The following RIMS2 variants were observed in gnomAD, a reference collection of about 807,000 sequenced individuals.
RIMS2 encodes regulating synaptic membrane exocytosis protein 2.
A neutral mutation model predicts 174.4 loss-of-function variants in RIMS2; 59 were observed. The ratio of observed to expected loss-of-function variants is 0.34; its 90% CI spans 0.27 to 0.42. The LOEUF is 0.42. RIMS2 is among the 10% of genes least tolerant of loss of function. The pLI is 1.00. For synonymous variants in RIMS2, 606 were observed against 572.5 expected (o/e 1.06, Z -0.84); for missense variants, 1,620 against 1,666.3 (o/e 0.97, Z 0.48).
At chr8:103,638,454 G>T (rs115970195) in intron 1 of RIMS2, among the ~76,000 whole-genome samples, 5 of 151,852 alleles carry the variant, frequency 3.3e-5, no homozygotes, top group African/African-American at 9.7e-5. Flanking sequence ...GGAAATATGC[G>T]CCGTCTTCTC....
At chr8:103,794,500 T>A (rs866883320) in intron 3 of RIMS2, among the ~76,000 whole-genome samples, 1 of 152,252 alleles carries the variant, frequency 6.6e-6, no homozygotes, top group Middle Eastern at 3.4e-3. Context: ...ACCTAGGCAA[T>A]ACCATTCAGG....
intron 3 of RIMS2, among the ~76,000 whole-genome samples, chr8:103,800,678 C>T (rs2098601015): frequency 6.6e-6 from 1 of 152,076 alleles, no homozygotes; most frequent in African/African-American, 2.4e-5. Flanking sequence ...CTGGGATACT[C>T]CTCTTGGTCA....
chr8:104,182,184 A>G (rs745795472), intron 19 of RIMS2, among the ~76,000 whole-genome samples: 9 of 151,832 alleles, frequency 5.9e-5, no homozygotes, highest in Non-Finnish European at 1.2e-4. Context: ...CTTCTAATCC[A>G]TTAGCATGTT....
intron 1 of RIMS2, among the ~76,000 whole-genome samples, chr8:103,625,389 T>C (rs1310392025): frequency 6.6e-6 from 1 of 152,166 alleles, no homozygotes; most frequent in East Asian, 1.9e-4. Flanking sequence ...AACAGAGCAC[T>C]AAGAAGGCAG....
intron 16 of RIMS2, among the ~76,000 whole-genome samples, chr8:103,982,905 A>G (rs756249058): frequency 4.6e-5 from 7 of 152,200 alleles, no homozygotes; most frequent in Non-Finnish European, 5.9e-5. Context: ...AACTAGTGCA[A>G]TCAGCCAAGA....
rs138977413 is a variant in RIMS2, at chr8:104,027,882, G to A, written c.3334+13267G>A. On this transcript the variant is annotated intron_variant, in intron 19 of 23. Transcript: ENST00000504942. Reference sequence around the variant, plus strand: ...GTCAAATGTGATGCCATCTGTGAAAGCATATTGGAACATATAATATTATAC... The same window carrying A: ...GTCAAATGTGATGCCATCTGTGAAAACATATTGGAACATATAATATTATAC... 2.2e-4 allele frequency among the ~76,000 whole-genome samples: 34 copies of A among 152,230 alleles called. 1 individual carries two copies. The highest frequency in any genetic ancestry group is 7.9e-4 in the African/African-American group (33 of 41,542).
intron 1 of RIMS2, among the ~76,000 whole-genome samples, chr8:103,604,250 T>C (rs2094927293): frequency 6.6e-6 from 1 of 151,112 alleles, no homozygotes; most frequent in Admixed American, 6.6e-5. Context: ...ATTTATTAAA[T>C]AGAGAATCCT....
At chr8:103,795,165 G>A (rs2098539432) in intron 3 of RIMS2, among the ~76,000 whole-genome samples, 1 of 152,182 alleles carries the variant, frequency 6.6e-6, no homozygotes, top group South Asian at 2.1e-4. Context: ...ATTCACAATA[G>A]CAAAGACCTG....
intron 1 of RIMS2, among the ~76,000 whole-genome samples, chr8:103,540,469 G>A (rs1200153043): frequency 6.6e-6 from 1 of 152,136 alleles, no homozygotes; most frequent in Non-Finnish European, 1.5e-5. Context: ...CAGAACATCT[G>A]TACTCCACTC....
intron 1 of RIMS2, among the ~76,000 whole-genome samples, chr8:103,572,324 A>G (rs1001309226): frequency 2.0e-5 from 3 of 152,102 alleles, no homozygotes; most frequent in Admixed American, 6.5e-5. Context: ...GCCAGTTTTT[A>G]TTCCCTTATT....
intron 2 of RIMS2, among the ~76,000 whole-genome samples, chr8:103,702,873 T>G (rs71520844): frequency 8.2e-6 from 1 of 122,218 alleles, no homozygotes; most frequent in Non-Finnish European, 1.7e-5. Flanking sequence ...TTTTTTTTTG[T>G]ATTTTGGCTA....
chr8:103,529,956 G>A (rs753638371), intron 1 of RIMS2, among the ~76,000 whole-genome samples: 5 of 152,324 alleles, frequency 3.3e-5, no homozygotes, highest in South Asian at 2.1e-4. Flanking sequence ...ACTAAAGAGC[G>A]TTCTTCAGTT....
intron 19 of RIMS2, among the ~76,000 whole-genome samples, chr8:104,126,344 G>A (rs772154269): frequency 1.3e-5 from 2 of 152,104 alleles, no homozygotes; most frequent in Non-Finnish European, 2.9e-5. Context: ...AAACTCACTT[G>A]GGGATATCAA....
intron 19 of RIMS2, among the ~76,000 whole-genome samples, chr8:104,040,609 G>A (rs984363662): frequency 2.6e-5 from 4 of 151,588 alleles, no homozygotes; most frequent in African/African-American, 9.7e-5. Flanking sequence ...TGAATGAATA[G>A]GCATTAAAAG....
At chr8:104,223,830 C>T (rs1447335699) in intron 19 of RIMS2, 1 of 1,560,058 alleles carries the variant, frequency 6.4e-7, no homozygotes, top group Admixed American at 1.7e-5. Flanking sequence ...GTGTCTCTAT[C>T]TGTTTAGAAA....
rs150294450 is a variant in RIMS2 at position 103,666,222 on chromosome 8, C to T, written c.177-30864C>T. Among the ~76,000 whole-genome samples, 934 of 152,272 alleles carry T rather than the reference C, an allele frequency of 6.1e-3. 11 individuals carry two copies. Among genetic ancestry groups the T allele is most frequent in the African/African-American group, 0.021 (884 of 41,554 alleles). On this transcript the variant is annotated intron_variant, in intron 1 of 23. Transcript: ENST00000504942. Reference sequence around the variant, plus strand: ...CAGTTCAGCATTTGCTACAGTTGAACAGTTGGTCACCTGTTATTGCCTGAA... The same window carrying T: ...CAGTTCAGCATTTGCTACAGTTGAATAGTTGGTCACCTGTTATTGCCTGAA...
At chr8:104,098,388 A>G (rs1161796250) in intron 19 of RIMS2, among the ~76,000 whole-genome samples, 2 of 152,176 alleles carry the variant, frequency 1.3e-5, no homozygotes, top group Non-Finnish European at 2.9e-5. Context: ...ACAAATTCAT[A>G]AGAATATTTG....
intron 1 of RIMS2, among the ~76,000 whole-genome samples, chr8:103,618,190 A>G (rs1374072224): frequency 1.3e-5 from 2 of 152,170 alleles, no homozygotes; most frequent in Admixed American, 6.5e-5. Flanking sequence ...TTGCAGGAGC[A>G]TGGATGGAGC....
chr8:104,226,374 T>C (rs550594553), intron 19 of RIMS2, among the ~76,000 whole-genome samples: 13 of 152,336 alleles, frequency 8.5e-5, no homozygotes, highest in Non-Finnish European at 1.6e-4. Flanking sequence ...TCACATTCTC[T>C]TCTTGTACAG....
Sources: gnomAD v4.1 joint callset for allele counts (sites outside exome capture counted in the v4.1 genomes callset) on GRCh38, gnomAD v4.1.1 for gene constraint, MANE v1.5 for transcripts, NCBI Gene and HGNC (gene_info 2026-07-23, HGNC 2026-07-21) for gene names.